CNTNAP2: variants seen among roughly 807,000 people sequenced by gnomAD.
The protein encoded by CNTNAP2 is contactin-associated protein-like 2.
In CNTNAP2, 98 loss-of-function variants were observed where a neutral mutation model predicts 155.2. The ratio of observed to expected loss-of-function variants is 0.63; its 90% confidence interval spans 0.54 to 0.75. The LOEUF is 0.75. Ranked by LOEUF, CNTNAP2 falls within the 30% of genes least tolerant of loss-of-function variation. CNTNAP2 has a pLI of 0.00. For missense variants in CNTNAP2, 1,727 were observed against 1,688.1 expected (o/e 1.02, Z -0.40); for synonymous variants, 651 against 631.2 (o/e 1.03, Z -0.47).
At chr7:146,531,976 G>C (rs1337101862) in intron 1 of CNTNAP2, among the ~76,000 whole-genome samples, 1 of 152,012 alleles carries the variant, frequency 6.6e-6, no homozygotes, top group Non-Finnish European at 1.5e-5. Flanking sequence ...GAACAAGATA[G>C]GGGGAGGTAT....
chr7:147,516,493 C>T (rs960819159), intron 11 of CNTNAP2, among the ~76,000 whole-genome samples: 1 of 152,176 alleles, frequency 6.6e-6, no homozygotes, highest in African/African-American at 2.4e-5. Context: ...GCAAATCCAG[C>T]TTACCTAAAT....
chr7:147,484,617 G>T (rs914264258), intron 10 of CNTNAP2, among the ~76,000 whole-genome samples: 4 of 152,210 alleles, frequency 2.6e-5, no homozygotes, highest in African/African-American at 9.6e-5. Flanking sequence ...TTTGTAAAAA[G>T]TTGTGGAAGA....
At chr7:147,923,918 T>C (rs1800332600) in intron 14 of CNTNAP2, among the ~76,000 whole-genome samples, 1 of 152,136 alleles carries the variant, frequency 6.6e-6, no homozygotes, top group Non-Finnish European at 1.5e-5. Context: ...TAAATCTCTG[T>C]TGTTGGAAGC....
intron 1 of CNTNAP2, among the ~76,000 whole-genome samples, chr7:146,187,638 A>G (rs1329368033): frequency 2.0e-5 from 3 of 151,630 alleles, no homozygotes; most frequent in East Asian, 3.9e-4. Flanking sequence ...ACCTTCTCCC[A>G]TTCATATACT....
intron 10 of CNTNAP2, among the ~76,000 whole-genome samples, chr7:147,399,939 T>G (rs1467715353): frequency 6.6e-6 from 1 of 152,142 alleles, no homozygotes; most frequent in Admixed American, 6.5e-5. Context: ...TCATCAACCT[T>G]CAGTTTCCAA....
At chr7:148,337,371 TCCTATGACAAGC>T (rs1219767612) in intron 21 of CNTNAP2, among the ~76,000 whole-genome samples, 1 of 152,008 alleles carries the variant, frequency 6.6e-6, no homozygotes, top group Non-Finnish European at 1.5e-5. Flanking sequence ...TTTCCTTCTC[TCCTATGACAAGC>T]CCTGGCCCTA....
intron 1 of CNTNAP2, among the ~76,000 whole-genome samples, chr7:146,650,508 A>G (rs1371413660): frequency 1.3e-5 from 2 of 151,994 alleles, no homozygotes; most frequent in African/African-American, 4.8e-5. Context: ...ACACATGGAC[A>G]CAGGGAGGGG....
intron 11 of CNTNAP2, among the ~76,000 whole-genome samples, chr7:147,527,011 A>ATTTTTTTTTTTT (rs1562981271): frequency 2.5e-5 from 2 of 81,630 alleles, no homozygotes; most frequent in African/African-American, 1.5e-4. Flanking sequence ...GAAGACAGGC[A>ATTTTTTTTTTTT]TTTCTTTTTT....
intron 9 of CNTNAP2, among the ~76,000 whole-genome samples, chr7:147,313,665 GC>G (rs1384322710): frequency 3.3e-5 from 5 of 152,126 alleles, no homozygotes; most frequent in African/African-American, 1.2e-4. Context: ...GGTTACTGTA[GC>G]CTTGTAGTAT....
At chr7:147,565,006 G>A (rs1318819005) in intron 12 of CNTNAP2, among the ~76,000 whole-genome samples, 1 of 152,118 alleles carries the variant, frequency 6.6e-6, no homozygotes, top group East Asian at 1.9e-4. Context: ...AGAGCATGAT[G>A]CCACAAAGCT....
chr7:146,710,687 T>C (rs1801051566), intron 1 of CNTNAP2, among the ~76,000 whole-genome samples: 3 of 152,124 alleles, frequency 2.0e-5, no homozygotes, highest in Admixed American at 2.0e-4. Context: ...ATTTAGTCTT[T>C]TACATATAAT....
intron 20 of CNTNAP2, among the ~76,000 whole-genome samples, chr7:148,240,408 G>T (rs1245849429): frequency 3.9e-5 from 6 of 152,060 alleles, no homozygotes; most frequent in African/African-American, 1.4e-4. Context: ...AATAAAAAGG[G>T]TATCCAGCAA....
chr7:146,613,547 G>A (rs996011094), intron 1 of CNTNAP2, among the ~76,000 whole-genome samples: 1 of 152,008 alleles, frequency 6.6e-6, no homozygotes, highest in Admixed American at 6.6e-5. Context: ...TTAATCCAGT[G>A]TGTCGAAAGA....
intron 1 of CNTNAP2, among the ~76,000 whole-genome samples, chr7:146,248,726 A>T (rs1053974402): frequency 3.3e-5 from 5 of 152,182 alleles, no homozygotes; most frequent in Non-Finnish European, 5.9e-5. Flanking sequence ...CTGAGGTCGT[A>T]CGTGGATCTT....
intron 3 of CNTNAP2, among the ~76,000 whole-genome samples, chr7:146,902,610 C>T (rs1445960650): frequency 1.3e-5 from 2 of 152,200 alleles, no homozygotes; most frequent in Non-Finnish European, 2.9e-5. Context: ...ATCACTTTCT[C>T]TTCATTTAAG....
Position 147,416,070 on chromosome 7 carries a change from T to C in CNTNAP2, c.1670+20290T>C, listed in dbSNP as rs554832786. On this transcript the variant is annotated intron_variant, in intron 10 of 23. Coordinates refer to ENST00000361727, the MANE Select transcript of CNTNAP2 (RefSeq NM_014141.6). ...TCTGCTTATAGTTTTTGCAGTCTTA[T>C]AAATTCTGTGATGGGCATATGTTGC... 4.7e-4 allele frequency among the ~76,000 whole-genome samples: 72 copies of C among 152,376 alleles called. No homozygotes were observed. The South Asian group carries it at 0.014, about 30-fold the overall frequency.
intron 1 of CNTNAP2, among the ~76,000 whole-genome samples, chr7:146,527,719 G>T (rs1473525432): frequency 6.6e-6 from 1 of 151,954 alleles, no homozygotes; most frequent in African/African-American, 2.4e-5. Flanking sequence ...TATTTATTTG[G>T]ATGTTAATAT....
At chr7:147,233,227 T>C (rs1360200960) in intron 8 of CNTNAP2, among the ~76,000 whole-genome samples, 1 of 152,152 alleles carries the variant, frequency 6.6e-6, no homozygotes, top group Non-Finnish European at 1.5e-5. Context: ...TTTAGCAGGG[T>C]TAACAAACGT....
chr7:147,907,149 C>T (rs1394808906), intron 14 of CNTNAP2, among the ~76,000 whole-genome samples: 8 of 151,958 alleles, frequency 5.3e-5, no homozygotes, highest in Non-Finnish European at 1.2e-4. Flanking sequence ...CTCTGCCTCC[C>T]GGGTTCACAC....
Sources: allele counts gnomAD v4.1 joint callset (sites outside exome capture counted in the v4.1 genomes callset), GRCh38; gene constraint gnomAD v4.1.1; transcripts MANE v1.5; gene names NCBI Gene and HGNC (gene_info 2026-07-23, HGNC 2026-07-21).